CD247: variants seen among roughly 807,000 people sequenced by gnomAD.
CD247 encodes CD247 molecule, also known as T-cell surface glycoprotein CD3 zeta chain.
Under a neutral mutation model 30.0 loss-of-function variants are expected in CD247, and 13 were observed. The observed-to-expected ratio is 0.43, with a 90% CI of 0.28 to 0.69. The LOEUF (loss-of-function observed/expected upper bound fraction) is 0.69, where lower values mean the gene tolerates loss of function less well. Ranked by LOEUF, CD247 falls within the 30% of genes least tolerant of loss-of-function variation. The pLI is 0.16. For missense variants in CD247, 193 were observed against 212.6 expected, an observed-to-expected ratio of 0.91 and a Z score of 0.57; for synonymous variants, 72 against 80.0, an observed-to-expected ratio of 0.90 and a Z score of 0.53.
intron 1 of CD247, among the ~76,000 whole-genome samples, chr1:167,483,382 G>T (rs1009210284): frequency 5.3e-5 from 8 of 152,084 alleles, no homozygotes; most frequent in African/African-American, 1.7e-4. Flanking sequence ...TCTTCTCAGG[G>T]TGGTGGTATC....
chr1:167,481,138 T>C (rs193276719), intron 1 of CD247, among the ~76,000 whole-genome samples: 239 of 152,172 alleles, frequency 1.6e-3, no homozygotes, highest in African/African-American at 5.6e-3. Flanking sequence ...AATACAGAAA[T>C]TACCTGTGTG....
chr1:167,449,155 T>TTTTTTCTTTTTTTC (rs1652235549), intron 1 of CD247, among the ~76,000 whole-genome samples: 3 of 61,598 alleles, frequency 4.9e-5, no homozygotes, highest in African/African-American at 1.5e-4. Flanking sequence ...TTTTCTTTTT[T>TTTTTTCTTTTTTTC]TTTTTTTTTT....
At chr1:167,510,626 A>C (rs775948196) in intron 1 of CD247, among the ~76,000 whole-genome samples, 2 of 152,178 alleles carry the variant, frequency 1.3e-5, no homozygotes, top group Non-Finnish European at 2.9e-5. Flanking sequence ...CCCAGCCCAG[A>C]TGATGAAAGG....
At chr1:167,452,139 T>A (rs563080096) in intron 1 of CD247, among the ~76,000 whole-genome samples, 1 of 152,190 alleles carries the variant, frequency 6.6e-6, no homozygotes, top group South Asian at 2.1e-4. Flanking sequence ...GCAGGAGAAT[T>A]GCTTGAACTT....
At chr1:167,504,514 C>T (rs1433841295) in intron 1 of CD247, among the ~76,000 whole-genome samples, 2 of 152,202 alleles carry the variant, frequency 1.3e-5, no homozygotes, top group African/African-American at 4.8e-5. Flanking sequence ...AGGAAAATTA[C>T]TTGTTTTTCT....
At chr1:167,504,345 G>C (rs12117098) in intron 1 of CD247, among the ~76,000 whole-genome samples, 2,176 of 152,336 alleles carry the variant, frequency 0.014, 18 homozygotes, top group Middle Eastern at 0.017. Flanking sequence ...TGAGTACTTT[G>C]AGAGCAGCAA....
At chr1:167,446,323 C>T (rs930921098) in intron 1 of CD247, among the ~76,000 whole-genome samples, 3 of 152,168 alleles carry the variant, frequency 2.0e-5, no homozygotes, top group Non-Finnish European at 4.4e-5. Flanking sequence ...CCTCCTCACC[C>T]GCACATCACA....
At chr1:167,483,624 A>G (rs917703414) in intron 1 of CD247, among the ~76,000 whole-genome samples, 6 of 152,238 alleles carry the variant, frequency 3.9e-5, no homozygotes, top group Admixed American at 3.9e-4. Context: ...TCAGAGGCTC[A>G]GAGAGATTAA....
chr1:167,469,910 T>A (rs1487687847), intron 1 of CD247, among the ~76,000 whole-genome samples: 1 of 152,066 alleles, frequency 6.6e-6, no homozygotes, highest in Non-Finnish European at 1.5e-5. Context: ...GTACTTTATT[T>A]TATTTTATTT....
In CD247 at chr1:167,448,448, C is replaced by T. The variant is rs890112647; in HGVS notation, c.59-7681G>A. The stretch of plus-strand genomic sequence containing the variant: ...ATTATAGCAGGTCATATTCTTGACT[C>T]TACAATTAGCTTTCTTTCATTGAGG... On this transcript the variant is annotated intron_variant, in intron 1 of 7. Coordinates refer to ENST00000362089, the MANE Select transcript of CD247 (RefSeq NM_198053.3). The T allele has an allele frequency of 2.6e-4, 257 of 985,222 alleles. 1 individual carries two copies. Among genetic ancestry groups the T allele is most frequent in the Non-Finnish European group, 2.9e-4 (243 of 829,924 alleles). 61.0% of individuals were successfully genotyped at this position (985,222 alleles called of 1,614,324 possible).
intron 1 of CD247, among the ~76,000 whole-genome samples, chr1:167,445,162 G>C (rs982432379): frequency 2.0e-5 from 3 of 152,108 alleles, no homozygotes; most frequent in Non-Finnish European, 4.4e-5. Flanking sequence ...CTGACCTCAA[G>C]TGATCTGCCC....
At chr1:167,432,461 CAGA>C (rs1235084047) in intron 7 of CD247, among the ~76,000 whole-genome samples, 2 of 152,182 alleles carry the variant, frequency 1.3e-5, no homozygotes, top group African/African-American at 2.4e-5. Context: ...CCATGGGAGC[CAGA>C]AGGAGGGAAA....
chr1:167,461,716 T>C (rs957306013), intron 1 of CD247, among the ~76,000 whole-genome samples: 3 of 151,900 alleles, frequency 2.0e-5, no homozygotes, highest in African/African-American at 7.2e-5. Flanking sequence ...GCTGTGGTGG[T>C]GGGCGCCTGT....
At chr1:167,478,655 C>A (rs1653851984) in intron 1 of CD247, among the ~76,000 whole-genome samples, 1 of 152,150 alleles carries the variant, frequency 6.6e-6, no homozygotes, top group East Asian at 1.9e-4. Flanking sequence ...CTTACCTTGT[C>A]TGTGAAGGCG....
intron 1 of CD247, chr1:167,448,291 C>T (rs1277334007): frequency 3.3e-6 from 3 of 901,120 alleles, no homozygotes; most frequent in African/African-American, 3.6e-5. Context: ...AGGGTTGAAT[C>T]CAGGCACATC....
intron 1 of CD247, among the ~76,000 whole-genome samples, chr1:167,478,845 C>A (rs1387227244): frequency 2.0e-5 from 3 of 151,956 alleles, no homozygotes; most frequent in Non-Finnish European, 4.4e-5. Flanking sequence ...TGGTGTAATT[C>A]CAATTTTGTT....
At chr1:167,497,631 T>C (rs1654744122) in intron 1 of CD247, among the ~76,000 whole-genome samples, 1 of 152,110 alleles carries the variant, frequency 6.6e-6, no homozygotes, top group African/African-American at 2.4e-5. Flanking sequence ...AAATAAGATA[T>C]AGGATGAGGA....
At chr1:167,482,758 T>C (rs1027436118) in intron 1 of CD247, among the ~76,000 whole-genome samples, 4 of 152,170 alleles carry the variant, frequency 2.6e-5, no homozygotes, top group Non-Finnish European at 2.9e-5. Flanking sequence ...GAGAGAGGCC[T>C]TGGGCTGCCC....
At chr1:167,466,896 G>C (rs1271824769) in intron 1 of CD247, among the ~76,000 whole-genome samples, 1 of 151,612 alleles carries the variant, frequency 6.6e-6, no homozygotes, top group East Asian at 1.9e-4. Flanking sequence ...CTGGAGTGCA[G>C]TGGCGCAATC....
Sources: allele counts gnomAD v4.1 joint callset (sites outside exome capture counted in the v4.1 genomes callset), GRCh38; gene constraint gnomAD v4.1.1; transcripts MANE v1.5; gene names NCBI Gene and HGNC (gene_info 2026-07-23, HGNC 2026-07-21).